The following SUSD1 variants were observed in gnomAD, a reference collection of about 807,000 sequenced individuals.
The protein encoded by SUSD1 is sushi domain-containing protein 1.
In SUSD1, 65 loss-of-function variants were observed where a neutral mutation model predicts 86.9. The ratio of observed to expected loss-of-function variants is 0.75; its 90% CI spans 0.61 to 0.92. The LOEUF (loss-of-function observed/expected upper bound fraction) is 0.92, where lower values mean the gene tolerates loss of function less well. Ranked by LOEUF, SUSD1 falls within the 40% of genes least tolerant of loss-of-function variation. The pLI, the probability that SUSD1 is intolerant of heterozygous loss-of-function variation, is 0.00. For missense variants in SUSD1, 850 were observed against 929.7 expected, an observed-to-expected ratio of 0.91 and a Z score of 1.11; for synonymous variants, 346 against 350.0, an observed-to-expected ratio of 0.99 and a Z score of 0.13.
intron 12 of SUSD1, among the ~76,000 whole-genome samples, chr9:112,070,194 C>G (rs528406719): frequency 6.6e-6 from 1 of 151,896 alleles, no homozygotes; most frequent in East Asian, 1.9e-4. Context: ...TTAGTAGAGA[C>G]GGGGTTTCTC....
chr9:112,055,309 C>T (rs1191738115), intron 14 of SUSD1, among the ~76,000 whole-genome samples: 1 of 152,010 alleles, frequency 6.6e-6, no homozygotes, highest in Non-Finnish European at 1.5e-5. Context: ...ACCTGTAGTC[C>T]CAGCTACTCA....
chr9:112,169,927 A>G (rs577468320), intron 1 of SUSD1, among the ~76,000 whole-genome samples: 1 of 152,066 alleles, frequency 6.6e-6, no homozygotes, highest in East Asian at 1.9e-4. Context: ...CATCCACCCC[A>G]ATCTCCCAAA....
chr9:112,055,000 A>G (rs888034349), intron 14 of SUSD1, among the ~76,000 whole-genome samples: 5 of 152,184 alleles, frequency 3.3e-5, no homozygotes, highest in African/African-American at 1.2e-4. Context: ...AACAAAAACA[A>G]CCCAATTCAA....
At chr9:112,097,723 A>T (rs1300736933) in intron 10 of SUSD1, among the ~76,000 whole-genome samples, 1 of 152,076 alleles carries the variant, frequency 6.6e-6, no homozygotes, top group Admixed American at 6.5e-5. Flanking sequence ...TGCAAAGGCC[A>T]AACTGCCCAC....
chr9:112,137,538 CA>C (rs1252092307), intron 5 of SUSD1, among the ~76,000 whole-genome samples: 1 of 152,112 alleles, frequency 6.6e-6, no homozygotes, highest in East Asian at 1.9e-4. Flanking sequence ...CTAAGTTCTG[CA>C]TTTTAGTTGA....
chr9:112,041,758 C>T, intron 16 of SUSD1, 109 bp downstream of exon 16: 3 of 1,095,358 alleles, frequency 2.7e-6, no homozygotes, highest in Non-Finnish European at 4.0e-6. Flanking sequence ...CCAAGGACAA[C>T]CTCCACCCAC....
At chr9:112,092,188 T>G (rs1380592897) in intron 10 of SUSD1, among the ~76,000 whole-genome samples, 1 of 152,218 alleles carries the variant, frequency 6.6e-6, no homozygotes, top group African/African-American at 2.4e-5. Context: ...TGGACTCCAG[T>G]CATACCTCCA....
chr9:112,156,699 C>T (rs1407109956), intron 2 of SUSD1, among the ~76,000 whole-genome samples: 2 of 152,178 alleles, frequency 1.3e-5, no homozygotes, highest in East Asian at 1.9e-4. Context: ...GATCGAGGCT[C>T]AGTACCTCGC....
intron 5 of SUSD1, among the ~76,000 whole-genome samples, chr9:112,139,434 C>T (rs1325310846): frequency 6.6e-6 from 1 of 151,970 alleles, no homozygotes; most frequent in Non-Finnish European, 1.5e-5. Flanking sequence ...CAATATAACC[C>T]ACACATTATT....
chr9:112,108,813 GA>G (rs796550552), intron 8 of SUSD1, among the ~76,000 whole-genome samples: 4,262 of 98,446 alleles, frequency 0.043, 203 homozygotes, highest in African/African-American at 0.13. Context: ...AAGAAAGAAA[GA>G]AAAAAAAAAA....
intron 12 of SUSD1, among the ~76,000 whole-genome samples, chr9:112,076,590 G>C (rs991726886): frequency 2.6e-5 from 4 of 152,160 alleles, no homozygotes; most frequent in African/African-American, 9.7e-5. Context: ...ATGTGTAGAA[G>C]TTGGGTGGAT....
chr9:112,112,986 A>T, intron 6 of SUSD1, 118 bp from the exon 7 acceptor site: 1 of 657,406 alleles, frequency 1.5e-6, no homozygotes, highest in South Asian at 1.7e-5. Context: ...TCATCCTCAG[A>T]GGCAGACACT....
chr9:112,052,921 C>T (rs760125876), intron 14 of SUSD1, among the ~76,000 whole-genome samples: 2 of 152,142 alleles, frequency 1.3e-5, no homozygotes, highest in Non-Finnish European at 2.9e-5. Context: ...AAAATGTGTC[C>T]ATGAACCGGG....
chr9:112,155,120 G>A (rs1290343423), intron 2 of SUSD1, among the ~76,000 whole-genome samples: 2 of 151,928 alleles, frequency 1.3e-5, no homozygotes, highest in Non-Finnish European at 2.9e-5. Context: ...GCGTGGTGGT[G>A]CCCGCCTGTA....
chr9:112,073,422 G>T (rs906924893), intron 12 of SUSD1, among the ~76,000 whole-genome samples: 1 of 151,964 alleles, frequency 6.6e-6, no homozygotes, highest in Non-Finnish European at 1.5e-5. Context: ...AAGTGGTCTG[G>T]TTTATCTCCA....
chr9:112,069,162 A>G (rs1486247917), intron 12 of SUSD1, among the ~76,000 whole-genome samples: 1 of 152,130 alleles, frequency 6.6e-6, no homozygotes, highest in Non-Finnish European at 1.5e-5. Flanking sequence ...CGGACCACCG[A>G]GAAACCCAGG....
In SUSD1 at chr9:112,124,419, G is replaced by T. The variant is rs1564316262; in HGVS notation, c.724C>A (p.Pro242Thr). 1 of 1,613,936 alleles carries T rather than the reference G, an allele frequency of 6.2e-7. No individual in the cohort carries two copies. The highest frequency in any genetic ancestry group is 1.7e-5 in the Admixed American group (1 of 60,010). Residue 242 changes from proline to threonine, a missense_variant, in exon 6 of 17, where the codon CCT becomes ACT. By Grantham distance (38) the Pro-to-Thr change is conservative. Coordinates refer to ENST00000374270, the MANE Select transcript of SUSD1 (RefSeq NM_022486.5). ...AAGATGGCGTGCCGCATTTCTGGAGGGTTGCCACAGTTGATCTCTGCAATG... is the reference window on the plus strand; with the variant it reads ...AAGATGGCGTGCCGCATTTCTGGAGTGTTGCCACAGTTGATCTCTGCAATG... ...LHCQEINCGN[P>T]PEMRHAILVG...
At chr9:112,096,601 G>A (rs767304396) in intron 10 of SUSD1, among the ~76,000 whole-genome samples, 17 of 152,006 alleles carry the variant, frequency 1.1e-4, no homozygotes, top group South Asian at 4.2e-4. Flanking sequence ...GTGCAGTGGC[G>A]CAATCTCGGC....
intron 8 of SUSD1, among the ~76,000 whole-genome samples, chr9:112,110,946 G>A (rs1237712119): frequency 6.6e-6 from 1 of 151,894 alleles, no homozygotes; most frequent in Non-Finnish European, 1.5e-5. Context: ...AGCCTCCCTG[G>A]CACCTCCTCT....
Sources: allele counts gnomAD v4.1 joint callset (sites outside exome capture counted in the v4.1 genomes callset), GRCh38; gene constraint gnomAD v4.1.1; transcripts MANE v1.5; gene names NCBI Gene and HGNC (gene_info 2026-07-23, HGNC 2026-07-21).